The following TCP11L1 variants were observed in gnomAD, a reference collection of about 807,000 sequenced individuals.
TCP11L1 encodes T-complex protein 11-like protein 1.
A neutral mutation model predicts 48.9 loss-of-function variants in TCP11L1; 28 were observed. That is an observed-to-expected ratio of 0.57 (90% CI 0.42 to 0.78). The LOEUF is 0.78. Among genes scored for constraint, TCP11L1 ranks in the 30% least tolerant of loss-of-function variants. TCP11L1 has a pLI of 0.00. For synonymous variants in TCP11L1, 204 were observed against 231.9 expected (o/e 0.88, Z 1.09); for missense variants, 505 against 613.4 (o/e 0.82, Z 1.87).
In TCP11L1 at chr11:33,072,952, T is replaced by G; in HGVS notation, c.*276T>G. ...AACACTCAGCTGTTGTCTCCACTCC[T>G]CCCCCATCATGTCCTTCCAAGGAGG... On this transcript the variant is annotated 3_prime_UTR_variant, in exon 10 of 10. Coordinates refer to ENST00000334274, the MANE Select transcript of TCP11L1 (RefSeq NM_018393.4). 1 of 414,342 alleles carries G rather than the reference T, an allele frequency of 2.4e-6. No homozygotes were observed. The allele number at this position is 414,342 out of a possible 1,614,324, so 25.7% of individuals were successfully genotyped here.
chr11:33,056,689 C>T, intron 3 of TCP11L1: 1 of 235,662 alleles, frequency 4.2e-6, no homozygotes, highest in Non-Finnish European at 8.7e-6. Flanking sequence ...GGTGAACTGC[C>T]TGCCTCGGCC....
At chr11:33,066,506 GT>G (rs1309563103) in intron 8 of TCP11L1, among the ~76,000 whole-genome samples, 3 of 152,098 alleles carry the variant, frequency 2.0e-5, no homozygotes, top group Non-Finnish European at 4.4e-5. Context: ...GGTACCAATG[GT>G]TGCTTGCCTT....
At chr11:33,043,267 C>G (rs1157404468) in intron 1 of TCP11L1, among the ~76,000 whole-genome samples, 1 of 152,132 alleles carries the variant, frequency 6.6e-6, no homozygotes, top group Non-Finnish European at 1.5e-5. Context: ...TCTGTCATCT[C>G]TGGGTATCTT....
intron 2 of TCP11L1, among the ~76,000 whole-genome samples, chr11:33,052,008 A>G (rs1381898939): frequency 1.3e-5 from 2 of 152,094 alleles, no homozygotes. Flanking sequence ...TCTGATTGGG[A>G]TTTCATTTAA....
At position 33,054,639 on chromosome 11, in the gene TCP11L1, G is replaced by C. The variant is rs1421406476; in HGVS notation, c.210G>C (p.Ala70=). 6 of 1,613,980 alleles carry C rather than the reference G, an allele frequency of 3.7e-6. No individual in the cohort carries two copies. Among genetic ancestry groups the C allele is most frequent in the Non-Finnish European group, 5.1e-6 (6 of 1,179,956 alleles). The part of the protein sequence containing the change: ...FVTVEELLET[A]RGVTNMALAH... ...CAGTAGAAGAACTTCTAGAGACAGCGAGAGGTGTCACCAACATGGCTCTAG... is the reference window on the plus strand; with the variant it reads ...CAGTAGAAGAACTTCTAGAGACAGCCAGAGGTGTCACCAACATGGCTCTAG... The change falls in exon 3 of 10, where the codon GCG becomes GCC. Residue 70 remains alanine (A), a synonymous_variant. Coordinates refer to ENST00000334274, the MANE Select transcript of TCP11L1 (RefSeq NM_018393.4).
intron 9 of TCP11L1, among the ~76,000 whole-genome samples, chr11:33,069,361 TATA>T (rs915942464): frequency 3.7e-4 from 56 of 151,790 alleles, no homozygotes; most frequent in African/African-American, 1.3e-3. Context: ...ACATATCAAA[TATA>T]ATAACTTAAA....
chr11:33,048,791 T>G (rs1854072302), intron 2 of TCP11L1, among the ~76,000 whole-genome samples: 1 of 152,168 alleles, frequency 6.6e-6, no homozygotes, highest in South Asian at 2.1e-4. Flanking sequence ...TTTTTGCATA[T>G]GGAGAAACAC....
chr11:33,047,279 G>C (rs1470809007), intron 2 of TCP11L1, among the ~76,000 whole-genome samples: 1 of 152,064 alleles, frequency 6.6e-6, no homozygotes, highest in East Asian at 1.9e-4. Context: ...AGGAAAAATG[G>C]CTGGCTTGTA....
chr11:33,066,334 GC>G (rs1220250383), intron 8 of TCP11L1, among the ~76,000 whole-genome samples: 14 of 152,182 alleles, frequency 9.2e-5, no homozygotes, highest in Admixed American at 2.0e-4. Context: ...GCAGTAGGGA[GC>G]CATTGAAGGA....
intron 8 of TCP11L1, among the ~76,000 whole-genome samples, 181 bp downstream of exon 8, chr11:33,066,192 A>C (rs967058856): frequency 6.6e-6 from 1 of 152,162 alleles, no homozygotes; most frequent in African/African-American, 2.4e-5. Flanking sequence ...ATTTAGGGTC[A>C]TAGGGTCAAA....
chr11:33,061,675 C>T lies in TCP11L1; in HGVS notation c.921C>T (p.Tyr307=), dbSNP rs73489430. 1,900 of 1,610,944 alleles carry T rather than the reference C, an allele frequency of 1.2e-3. 15 individuals are homozygous for T. In the African/African-American group the frequency reaches 0.022, roughly 19 times the overall value. The change falls in exon 7 of 10, where the codon TAC becomes TAT. Residue 307 remains tyrosine, a synonymous_variant. Coordinates refer to ENST00000334274, the MANE Select transcript of TCP11L1 (RefSeq NM_018393.4). ...TGAGCCCTGTTGCTGTCCAGAATTA[C>T]GCTTACCTGAAGCTTCTGAAGTGGG... ...PRLSPVAVQN[Y]AYLKLLKWDH... is the part of the protein sequence containing the mutation.
At chr11:33,061,163 C>T (rs984779820) in intron 6 of TCP11L1, among the ~76,000 whole-genome samples, 4 of 151,986 alleles carry the variant, frequency 2.6e-5, no homozygotes, top group African/African-American at 7.2e-5. Context: ...GCCACATTGC[C>T]CAGGCTGGTC....
Position 33,068,759 on chromosome 11 carries a change from C to T in TCP11L1, c.1227C>T (p.Ser409=). The stretch of plus-strand genomic sequence containing the variant: ...GCCTGGAGGTGAGCAGCTGCCTCTC[C>T]CTGTGTGGGTCCTCTCCCTTCACCA... ...KVCLEVSSCL[S]LCGSSPFTTD... Residue 409 remains serine (S), a synonymous_variant, in exon 9 of 10, where the codon TCC becomes TCT. Coordinates refer to ENST00000334274, the MANE Select transcript of TCP11L1 (RefSeq NM_018393.4). The T allele has an allele frequency of 6.2e-7, 1 of 1,614,156 alleles. No individual in the cohort carries two copies. The highest frequency in any genetic ancestry group is 8.5e-7 in the Non-Finnish European group (1 of 1,180,036).
intron 5 of TCP11L1, among the ~76,000 whole-genome samples, chr11:33,058,422 C>G (rs937960522): frequency 6.6e-6 from 1 of 152,080 alleles, no homozygotes; most frequent in African/African-American, 2.4e-5. Context: ...TGGTCTCGAA[C>G]TCCTGACCTC....
In TCP11L1 at chr11:33,059,091, A is replaced by C; in HGVS notation, c.771A>C (p.Gln257His). ...RKKFQEILER[Q>H]PNSLDFVTQW... is the part of the protein sequence containing the mutation. ...AGTTTCAAGAGATTTTGGAGAGGCA[A>C]CCAAGTATGTTGAATATTTTGTGGT... The change falls in exon 6 of 10, where the codon CAA (glutamine) becomes CAC (histidine). Residue 257 changes from glutamine (Q) to histidine (H), a missense_variant. Transcript: ENST00000334274. 8.1e-6 allele frequency: 13 copies of C among 1,613,844 alleles called. No homozygotes were observed. The highest frequency in any genetic ancestry group is 1.0e-5 in the Non-Finnish European group (12 of 1,179,940).
chr11:33,042,975 A>C (rs1853883016), intron 1 of TCP11L1, among the ~76,000 whole-genome samples: 1 of 152,258 alleles, frequency 6.6e-6, no homozygotes, highest in Non-Finnish European at 1.5e-5. Flanking sequence ...CTGAGGCAGG[A>C]GAATCACTTG....
At chr11:33,044,002 C>T in intron 2 of TCP11L1, 66 bp downstream of exon 2, 2 of 1,452,222 alleles carry the variant, frequency 1.4e-6, no homozygotes, top group East Asian at 2.4e-5. Flanking sequence ...TTTTATGAGG[C>T]CTCCTTGTGC....
chr11:33,049,208 C>G (rs889320363), intron 2 of TCP11L1, among the ~76,000 whole-genome samples: 1 of 148,540 alleles, frequency 6.7e-6, no homozygotes. Context: ...CGAGATCGCG[C>G]CACTGCACTC....
chr11:33,056,660 T>C, intron 3 of TCP11L1: 1 of 253,998 alleles, frequency 3.9e-6, no homozygotes, highest in Non-Finnish European at 8.1e-6. Context: ...GCCAGGCTGA[T>C]CTCGAACTCC....
Sources: gnomAD v4.1 joint callset for allele counts (sites outside exome capture counted in the v4.1 genomes callset) on GRCh38, gnomAD v4.1.1 for gene constraint, MANE v1.5 for transcripts, NCBI Gene and HGNC (gene_info 2026-07-23, HGNC 2026-07-21) for gene names.